Variants in DLC1 observed in about 807,000 individuals in gnomAD.
DLC1 encodes DLC1 Rho GTPase activating protein, also known as rho GTPase-activating protein 7.
In DLC1, 54 loss-of-function variants were observed where a neutral mutation model predicts 140.3. That is an observed-to-expected ratio of 0.38 (90% CI 0.31 to 0.48). The LOEUF (loss-of-function observed/expected upper bound fraction) is 0.48, where lower values mean the gene tolerates loss of function less well. Among genes scored for constraint, DLC1 ranks in the 20% least tolerant of loss-of-function variants. DLC1 has a pLI of 0.96. For missense variants in DLC1, 2,536 were observed against 1,907.0 expected, an observed-to-expected ratio of 1.33 and a Z score of -6.14; for synonymous variants, 986 against 728.1, an observed-to-expected ratio of 1.35 and a Z score of -5.70.
chr8:13,459,663 C>T (rs1245507977), intron 2 of DLC1, among the ~76,000 whole-genome samples: 2 of 152,162 alleles, frequency 1.3e-5, no homozygotes, highest in African/African-American at 4.8e-5. Context: ...AATTCTCTGG[C>T]CAACTTCTCC....
At chr8:13,552,243 C>CT in intron 1 of DLC1, among the ~76,000 whole-genome samples, 1 of 142,966 alleles carries the variant, frequency 7.0e-6, no homozygotes, top group African/African-American at 2.6e-5. Context: ...ATATATATAC[C>CT]CCCATACCTG....
In DLC1 at chr8:13,523,134, A is replaced by C. The variant is rs1802811517; in HGVS notation, c.-125-22938T>G. On this transcript the variant is annotated intron_variant, in intron 1 of 1. Coordinates refer to the DLC1 transcript ENST00000631382. ...TGTGGCAAGATCTACTTTACATTTTAATAAAATTAGTTGAAAAGAATTTAG... is the reference window on the plus strand; with the variant it reads ...TGTGGCAAGATCTACTTTACATTTTCATAAAATTAGTTGAAAAGAATTTAG... 2.0e-5 allele frequency among the ~76,000 whole-genome samples: 3 copies of C among 152,370 alleles called. No individual in the cohort carries two copies. The South Asian group carries it at 6.2e-4, about 32-fold the overall frequency.
chr8:13,372,509 A>T (rs1309226058), intron 4 of DLC1, among the ~76,000 whole-genome samples: 1 of 152,208 alleles, frequency 6.6e-6, no homozygotes, highest in Non-Finnish European at 1.5e-5. Context: ...AGAGACGCCA[A>T]CACAGTGCAG....
intron 5 of DLC1, among the ~76,000 whole-genome samples, chr8:13,283,107 G>T (rs1005096863): frequency 1.3e-5 from 2 of 152,110 alleles, no homozygotes; most frequent in Admixed American, 1.3e-4. Context: ...TTAAAAGTCA[G>T]ACCAAACAGG....
At chr8:13,229,666 A>AAGAG (rs146976808) in intron 5 of DLC1, among the ~76,000 whole-genome samples, 2 of 150,208 alleles carry the variant, frequency 1.3e-5, no homozygotes, top group African/African-American at 4.9e-5. Context: ...AGAGAGAGAG[A>AAGAG]AGAGAGAGAG....
intron 1 of DLC1, among the ~76,000 whole-genome samples, chr8:13,543,273 C>T (rs1803546249): frequency 6.6e-6 from 1 of 152,086 alleles, no homozygotes; most frequent in African/African-American, 2.4e-5. Context: ...ACTTTGTAGT[C>T]TTTCGTGAAG....
chr8:13,157,084 C>T lies in DLC1; in HGVS notation c.1349-41427G>A, dbSNP rs145365334. Reference sequence around the variant, plus strand: ...GGGGACTTTTTGGAACTTTGTCATGCGTGTCACGCTGACCCTGCAAACTTA... The same window carrying T: ...GGGGACTTTTTGGAACTTTGTCATGTGTGTCACGCTGACCCTGCAAACTTA... On this transcript the variant is annotated intron_variant, in intron 5 of 17. Coordinates refer to ENST00000276297, the MANE Select transcript of DLC1 (RefSeq NM_182643.3). Among the ~76,000 whole-genome samples, 121 of 152,276 alleles carry T rather than the reference C, an allele frequency of 7.9e-4. 1 individual carries two copies. The highest frequency in any genetic ancestry group is 1.9e-3 in the South Asian group (9 of 4,828).
chr8:13,405,336 A>G, intron 2 of DLC1, among the ~76,000 whole-genome samples: 1 of 151,718 alleles, frequency 6.6e-6, no homozygotes, highest in South Asian at 2.1e-4. Flanking sequence ...TATTGTTCCC[A>G]TCTTTATGTC....
chr8:13,534,466 C>T (rs1803202890), intron 1 of DLC1, among the ~76,000 whole-genome samples: 1 of 152,178 alleles, frequency 6.6e-6, no homozygotes, highest in African/African-American at 2.4e-5. Context: ...AAAACTGGAA[C>T]ATACTGTTCT....
intron 5 of DLC1, among the ~76,000 whole-genome samples, chr8:13,301,993 A>G (rs912543207): frequency 6.6e-6 from 1 of 152,230 alleles, no homozygotes; most frequent in Non-Finnish European, 1.5e-5. Context: ...CTCCAGCGAC[A>G]TGATGGAAGT....
chr8:13,369,912 T>C (rs1286028666), intron 4 of DLC1, among the ~76,000 whole-genome samples: 1 of 6,840 alleles, frequency 1.5e-4, no homozygotes, highest in Non-Finnish European at 5.1e-4. Flanking sequence ...GATTTAAAAC[T>C]TAAAAAAAAA....
intron 1 of DLC1, among the ~76,000 whole-genome samples, chr8:13,599,886 A>G (rs1233358948): frequency 6.6e-6 from 1 of 151,988 alleles, no homozygotes; most frequent in African/African-American, 2.4e-5. Context: ...AGAAGGGAAA[A>G]AAATCTCAAA....
chr8:13,123,623 T>C (rs926069261), intron 5 of DLC1, among the ~76,000 whole-genome samples: 2 of 152,072 alleles, frequency 1.3e-5, no homozygotes, highest in African/African-American at 4.8e-5. Flanking sequence ...AAGTGTGGGA[T>C]GACTGGCGTG....
At chr8:13,163,671 G>A (rs914797316) in intron 5 of DLC1, among the ~76,000 whole-genome samples, 2 of 152,050 alleles carry the variant, frequency 1.3e-5, no homozygotes, top group Non-Finnish European at 2.9e-5. Flanking sequence ...GGCAGCCTAG[G>A]GAGAAGGAGC....
At chr8:13,335,284 C>A (rs1833773624) in intron 4 of DLC1, among the ~76,000 whole-genome samples, 1 of 152,070 alleles carries the variant, frequency 6.6e-6, no homozygotes, top group African/African-American at 2.4e-5. Context: ...GGAAATCAGG[C>A]AAATGGGTAG....
At chr8:13,245,499 C>G (rs1280871141) in intron 5 of DLC1, among the ~76,000 whole-genome samples, 1 of 152,040 alleles carries the variant, frequency 6.6e-6, no homozygotes, top group Non-Finnish European at 1.5e-5. Context: ...GCTCATTAAC[C>G]CTTTATTGGC....
chr8:13,146,780 A>G (rs1468755975), intron 5 of DLC1, among the ~76,000 whole-genome samples: 5 of 152,202 alleles, frequency 3.3e-5, no homozygotes, highest in African/African-American at 1.2e-4. Flanking sequence ...CTTCACAGAA[A>G]GTCACAAGGA....
rs976845361 is a variant in DLC1, at chr8:13,345,361, T to C, written c.1315-40059A>G. ...CTATAGTGAAAACAGAGAGTCACCA[T>C]TGCAGTGAGCGTAAAGAAAATGATT... is the stretch of plus-strand genomic sequence containing the variant. On this transcript the variant is annotated intron_variant, in intron 4 of 17. Coordinates refer to ENST00000276297, the MANE Select transcript of DLC1 (RefSeq NM_182643.3). 1.3e-4 allele frequency among the ~76,000 whole-genome samples: 19 copies of C among 150,908 alleles called. 1 individual carries two copies. In the South Asian group the frequency reaches 1.3e-3, roughly 10 times the overall value.
chr8:13,597,580 C>G (rs1406726163), intron 1 of DLC1, among the ~76,000 whole-genome samples: 3 of 151,920 alleles, frequency 2.0e-5, no homozygotes. Flanking sequence ...AGATAAAGAT[C>G]ATAGTGTGTT....
Sources: allele counts gnomAD v4.1 joint callset (sites outside exome capture counted in the v4.1 genomes callset), GRCh38; gene constraint gnomAD v4.1.1; transcripts MANE v1.5; gene names NCBI Gene and HGNC (gene_info 2026-07-23, HGNC 2026-07-21).